Variants in PIEZO2 observed in about 807,000 individuals in gnomAD.
PIEZO2 encodes piezo type mechanosensitive ion channel component 2.
Under a neutral mutation model 337.3 loss-of-function variants are expected in PIEZO2, and 172 were observed. The observed-to-expected ratio is 0.51, with a 90% CI of 0.45 to 0.58. The LOEUF (loss-of-function observed/expected upper bound fraction) is 0.58. Ranked by LOEUF, PIEZO2 falls within the 20% of genes least tolerant of loss-of-function variation. The pLI, the probability that PIEZO2 is intolerant of heterozygous loss-of-function variation, is 0.00. For missense variants in PIEZO2, 3,028 were observed against 3,391.3 expected (o/e 0.89, Z 2.66); for synonymous variants, 1,251 against 1,228.5 (o/e 1.02, Z -0.38).
chr18:11,144,342 G>C (rs2040752644), intron 1 of PIEZO2, among the ~76,000 whole-genome samples: 1 of 152,134 alleles, frequency 6.6e-6, no homozygotes, highest in Admixed American at 6.5e-5. Flanking sequence ...ATATAAGGCT[G>C]AGAAAGTGTG....
Position 10,727,484 on chromosome 18 carries a change from G to C in PIEZO2, c.5029+3923C>G, listed in dbSNP as rs2036588314. The C allele has an allele frequency of 6.6e-6, 1 of 152,510 alleles. No individual in the cohort carries two copies. The highest frequency in any genetic ancestry group is 1.5e-5 in the Non-Finnish European group (1 of 68,236). The allele number at this position is 152,510 out of a possible 1,614,324, so 9.4% of individuals were successfully genotyped here. A position where few individuals can be genotyped will look rare whatever the true frequency, so the allele number is the denominator to read the frequency against. On this transcript the variant is annotated intron_variant, in intron 36 of 55. Coordinates refer to ENST00000674853, the MANE Select transcript of PIEZO2 (RefSeq NM_001378183.1). The surrounding 1 kb of genome is among the most constrained non-coding windows in gnomAD (Gnocchi z 6.3). ...TCTGGGGTGTGCTTTCCAACATTTT[G>C]CCTCTCTCACTGGTCATGTATTTAT...
At chr18:10,879,311 G>C (rs2042348632) in intron 4 of PIEZO2, among the ~76,000 whole-genome samples, 1 of 151,614 alleles carries the variant, frequency 6.6e-6, no homozygotes, top group South Asian at 2.1e-4. Context: ...GCATGACAAT[G>C]ACGTGTTTTA....
intron 1 of PIEZO2, among the ~76,000 whole-genome samples, chr18:11,100,783 G>C (rs1292947785): frequency 6.6e-6 from 1 of 152,120 alleles, no homozygotes; most frequent in Non-Finnish European, 1.5e-5. Flanking sequence ...TTTTAGTAGA[G>C]ACAGGGTTTC....
intron 36 of PIEZO2, chr18:10,725,493 G>T: frequency 2.7e-6 from 4 of 1,475,506 alleles, no homozygotes; most frequent in Non-Finnish European, 3.7e-6. Context: ...GGATGGGTAG[G>T]CATGAAAGGG....
At chr18:11,086,467 C>A (rs750774394) in intron 1 of PIEZO2, among the ~76,000 whole-genome samples, 1 of 150,486 alleles carries the variant, frequency 6.6e-6, no homozygotes, top group East Asian at 1.9e-4. Flanking sequence ...TGCAGTGAGC[C>A]GAGATCCCGC....
At chr18:11,045,347 T>C (rs190957981) in intron 2 of PIEZO2, among the ~76,000 whole-genome samples, 14 of 149,950 alleles carry the variant, frequency 9.3e-5, no homozygotes, top group African/African-American at 3.2e-4. Flanking sequence ...ATATACATTA[T>C]TGTTTCATTA....
chr18:10,787,171 C>G lies in PIEZO2; in HGVS notation c.2183G>C (p.Trp728Ser). 1.3e-6 allele frequency: 2 copies of G among 1,521,536 alleles called. No homozygotes were observed. The highest frequency in any genetic ancestry group is 1.8e-6 in the Non-Finnish European group (2 of 1,142,346). 94.3% of individuals were successfully genotyped at this position (1,521,536 alleles called of 1,614,324 possible). A position where few individuals can be genotyped will look rare whatever the true frequency, so the allele number is the denominator to read the frequency against. ...AAAATATTTTAGAATTTTCCTCCAC[C>G]ATTCATAGTGCACCTGCAAATCAGA... ...CVALYQVHYE[W>S]WRKILKYFWM... Residue 728 changes from tryptophan to serine, a missense_variant, in exon 16 of 56, where the codon TGG becomes TCG. Trp to Ser is a radical substitution (Grantham distance 177, BLOSUM62 -3). Transcript: ENST00000674853.
At chr18:10,941,965 C>T (rs552814072) in intron 3 of PIEZO2, among the ~76,000 whole-genome samples, 2 of 152,164 alleles carry the variant, frequency 1.3e-5, no homozygotes, top group East Asian at 1.9e-4. Context: ...AGGGGTCTCA[C>T]GAGATCTGAT....
intron 4 of PIEZO2, chr18:10,893,717 T>A (rs2042817577): frequency 6.6e-6 from 1 of 152,252 alleles, no homozygotes; most frequent in Admixed American, 6.5e-5. Context: ...GTATAAGAAA[T>A]CATCATTTAT....
intron 1 of PIEZO2, among the ~76,000 whole-genome samples, chr18:11,086,064 A>T (rs1006713117): frequency 6.6e-6 from 1 of 152,200 alleles, no homozygotes; most frequent in Admixed American, 6.5e-5. Flanking sequence ...AATTGACATG[A>T]CTTACAAAAA....
rs1189371493 is a variant in PIEZO2 at position 10,671,347 on chromosome 18, A to G, written c.*180T>C. 1 of 582,032 alleles carries G rather than the reference A, an allele frequency of 1.7e-6. No individual in the cohort carries two copies. The highest frequency in any genetic ancestry group is 1.9e-5 in the African/African-American group (1 of 52,526). 36.1% of individuals were successfully genotyped at this position (582,032 alleles called of 1,614,324 possible). A position where few individuals can be genotyped will look rare whatever the true frequency, so the allele number is the denominator to read the frequency against. ...AATGGAGTTACAAATAACATTTTCA[A>G]CAGTGCCTTAACTTGCAAGGTAGCT... On this transcript the variant is annotated 3_prime_UTR_variant, in exon 56 of 56. Coordinates refer to ENST00000674853, the MANE Select transcript of PIEZO2 (RefSeq NM_001378183.1).
At position 10,827,874 on chromosome 18, in the gene PIEZO2, C is replaced by T. The variant is rs142920073; in HGVS notation, c.918-20600G>A. Reference sequence around the variant, plus strand: ...CTTGATGTGTAGCTGTTGAATAAAGCCTTTAACTTCTATTTTACTATTGTT... The same window carrying T: ...CTTGATGTGTAGCTGTTGAATAAAGTCTTTAACTTCTATTTTACTATTGTT... On this transcript the variant is annotated intron_variant, in intron 7 of 55. Coordinates refer to ENST00000674853, the MANE Select transcript of PIEZO2 (RefSeq NM_001378183.1). 8.9e-3 allele frequency among the ~76,000 whole-genome samples: 1,358 copies of T among 152,212 alleles called. 25 individuals are homozygous for T. Among genetic ancestry groups the T allele is most frequent in the African/African-American group, 0.031 (1,293 of 41,530 alleles).
chr18:11,094,143 T>G lies in PIEZO2; in HGVS notation c.65-27921A>C, dbSNP rs978600363. Among the ~76,000 whole-genome samples, 23 of 152,116 alleles carry G rather than the reference T, an allele frequency of 1.5e-4. No homozygotes were observed. The highest frequency in any genetic ancestry group is 5.6e-4 in the African/African-American group (23 of 41,422). On this transcript the variant is annotated intron_variant, in intron 1 of 55. Transcript: ENST00000674853. The surrounding 1 kb of genome is among the most constrained non-coding windows in gnomAD (Gnocchi z 4.4). ...ACAGGTGCTCATCACCACGCCCAGC[T>G]AATTTTTCTATTTTTAATAGAGACC... is the stretch of plus-strand genomic sequence containing the variant.
At chr18:11,059,474 G>C (rs1158098946) in intron 2 of PIEZO2, among the ~76,000 whole-genome samples, 1 of 152,192 alleles carries the variant, frequency 6.6e-6, no homozygotes, top group African/African-American at 2.4e-5. Context: ...ATTGGATAAA[G>C]AGTCAAGACC....
At chr18:11,060,881 A>G (rs1398489555) in intron 2 of PIEZO2, among the ~76,000 whole-genome samples, 2 of 152,062 alleles carry the variant, frequency 1.3e-5, no homozygotes, top group Non-Finnish European at 2.9e-5. Flanking sequence ...AATAGAAAAG[A>G]GGGAATCCTC....
intron 8 of PIEZO2, among the ~76,000 whole-genome samples, chr18:10,804,359 C>G (rs975741066): frequency 6.6e-6 from 1 of 152,176 alleles, no homozygotes; most frequent in Non-Finnish European, 1.5e-5. Context: ...AGCCAGCTGC[C>G]GGCAATCTTC....
At chr18:10,884,784 G>T (rs987404500) in intron 4 of PIEZO2, among the ~76,000 whole-genome samples, 8 of 152,124 alleles carry the variant, frequency 5.3e-5, no homozygotes, top group African/African-American at 1.9e-4. Flanking sequence ...ACAGTGGGTG[G>T]CTCCAACAGA....
chr18:10,705,529 C>T lies in PIEZO2; in HGVS notation c.5806G>A (p.Gly1936Arg), dbSNP rs534950325. The change falls in exon 41 of 56, where the codon GGG becomes AGG. Residue 1936 changes from glycine (G) to arginine (R), a missense_variant. Physicochemically the swap from Gly to Arg is moderately radical, Grantham distance 125. Transcript: ENST00000674853. The part of the protein sequence containing the change: ...EELTQFSTLD[G>R]DVEAPPSYSK... The stretch of plus-strand genomic sequence containing the variant: ...TAGGAGGGTGGGGCCTCCACATCCC[C>T]GTCCAAGGTGGAGAACTGTGTCAGC... 15 of 1,537,210 alleles carry T rather than the reference C, an allele frequency of 9.8e-6. No individual in the cohort carries two copies. In the East Asian group the frequency reaches 1.7e-4, roughly 18 times the overall value.
At chr18:11,036,168 G>A (rs1034512819) in intron 2 of PIEZO2, among the ~76,000 whole-genome samples, 1 of 152,156 alleles carries the variant, frequency 6.6e-6, no homozygotes, top group Non-Finnish European at 1.5e-5. Flanking sequence ...TTCCTAAATT[G>A]TATCTTATGC....
Sources: gnomAD v4.1 joint callset for allele counts (sites outside exome capture counted in the v4.1 genomes callset) on GRCh38, gnomAD v4.1.1 for gene constraint, Gnocchi (gnomAD v3.1) non-coding constraint, MANE v1.5 for transcripts, NCBI Gene and HGNC (gene_info 2026-07-23, HGNC 2026-07-21) for gene names.